USH2A: variants seen among roughly 807,000 people sequenced by gnomAD.
USH2A encodes the protein usherin, also known as Usher syndrome 2A (autosomal recessive, mild).
A neutral mutation model predicts 538.9 loss-of-function variants in USH2A; 443 were observed. The ratio of observed to expected loss-of-function variants is 0.82; its 90% CI spans 0.76 to 0.89. USH2A has a LOEUF of 0.89. Ranked by LOEUF, USH2A falls within the 40% of genes least tolerant of loss-of-function variation. USH2A has a pLI of 0.00. For missense variants in USH2A, 6,633 were observed against 6,324.8 expected (o/e 1.05, Z -1.65); for synonymous variants, 2,413 against 2,273.5 (o/e 1.06, Z -1.75).
Position 216,096,892 on chromosome 1 carries a change from G to A in USH2A, c.4758+191C>T, listed in dbSNP as rs112974789. On this transcript the variant is annotated intron_variant, in intron 22 of 71. Transcript: ENST00000307340. ...CCATGATGGTTTAAAAGTTAGCTCC[G>A]CTATTTTAGCTGAGGGCAAGTCACA... Among the ~76,000 whole-genome samples the A allele has an allele frequency of 7.0e-4, 107 of 152,254 alleles. 2 individuals carry two copies. Among genetic ancestry groups the A allele is most frequent in the African/African-American group, 2.3e-3 (97 of 41,548 alleles).
chr1:215,650,926 TA>T (rs1558038156), intron 64 of USH2A, 125 bp from the exon 65 acceptor site: 1 of 1,000,736 alleles, frequency 1.0e-6, no homozygotes, highest in African/African-American at 1.7e-5. Context: ...CAGGAAGAGA[TA>T]AACTTTGATC....
chr1:215,900,253 G>A (rs760028240), intron 39 of USH2A, 36 bp from the exon 40 acceptor site: 26 of 1,609,738 alleles, frequency 1.6e-5, no homozygotes, highest in Middle Eastern at 1.6e-4. Context: ...GGAAGTTTTC[G>A]ACATTCAAAG....
intron 19 of USH2A, chr1:216,194,312 T>A (rs1483436073): frequency 3.3e-5 from 5 of 152,100 alleles, no homozygotes. Context: ...GAGTTACCAG[T>A]AGAAGGTAAT....
intron 49 of USH2A, among the ~76,000 whole-genome samples, chr1:215,812,369 C>A (rs2102791755): frequency 6.6e-6 from 1 of 152,228 alleles, no homozygotes; most frequent in South Asian, 2.1e-4. Flanking sequence ...TTATTAAGCT[C>A]TTTCTCTGTT....
rs192119790 is a variant in USH2A, at chr1:216,247,064, C to T, written c.2330G>A (p.Cys777Tyr). The change falls in exon 13 of 72, where the codon TGT (cysteine) becomes TAT (tyrosine). Residue 777 changes from cysteine (C) to tyrosine (Y), a missense_variant. Transcript: ENST00000307340. ...ECKKEAKGLQ[C>Y]DTCRENFYGL... The stretch of plus-strand genomic sequence containing the variant: ...ATAAAAGTTTTCTCTGCAGGTGTCA[C>T]ACTGAAGTCCTTTGGCTTCTTTTTT... 2.0e-5 allele frequency: 32 copies of T among 1,614,058 alleles called. No individual in the cohort carries two copies. Among genetic ancestry groups the T allele is most frequent in the Admixed American group, 3.3e-5 (2 of 60,002 alleles).
rs182729272 is a variant in USH2A at position 216,401,416 on chromosome 1, C to A, written c.651+17098G>T. Among the ~76,000 whole-genome samples the A allele has an allele frequency of 9.1e-4, 139 of 152,054 alleles. No individual in the cohort carries two copies. In the Middle Eastern group the frequency reaches 0.027, roughly 30 times the overall value. On this transcript the variant is annotated intron_variant, in intron 3 of 71. Coordinates refer to ENST00000307340, the MANE Select transcript of USH2A (RefSeq NM_206933.4). Reference sequence around the variant, plus strand: ...ACAAGAAATAGAAAAAATAAAATTGCACACATAAGGCTAGCATATCAGTAA... The same window carrying A: ...ACAAGAAATAGAAAAAATAAAATTGAACACATAAGGCTAGCATATCAGTAA...
chr1:215,749,703 A>T (rs1660570722), intron 58 of USH2A, among the ~76,000 whole-genome samples: 1 of 152,218 alleles, frequency 6.6e-6, no homozygotes, highest in Admixed American at 6.5e-5. Context: ...ATGTCAGAGC[A>T]AGAGGAGCAG....
At chr1:216,111,335 G>T (rs1343361117) in intron 21 of USH2A, among the ~76,000 whole-genome samples, 1 of 152,166 alleles carries the variant, frequency 6.6e-6, no homozygotes, top group Non-Finnish European at 1.5e-5. Flanking sequence ...AAAGTGTTGA[G>T]ACGAGGATGA....
intron 61 of USH2A, among the ~76,000 whole-genome samples, chr1:215,723,339 C>A (rs970963296): frequency 4.6e-5 from 7 of 152,164 alleles, no homozygotes; most frequent in Admixed American, 3.3e-4. Flanking sequence ...ACGCTTCTCA[C>A]CCCCACGGAG....
At chr1:215,684,535 C>A (rs1204004896) in intron 61 of USH2A, among the ~76,000 whole-genome samples, 1 of 152,140 alleles carries the variant, frequency 6.6e-6, no homozygotes, top group Non-Finnish European at 1.5e-5. Context: ...TCCCTCTGGT[C>A]TTTGGGGTGT....
intron 61 of USH2A, among the ~76,000 whole-genome samples, chr1:215,712,969 G>T (rs1167091067): frequency 6.6e-6 from 1 of 151,988 alleles, no homozygotes; most frequent in Admixed American, 6.5e-5. Context: ...ACCATGCCCG[G>T]CTAATTTGTG....
At chr1:215,758,820 T>C in intron 57 of USH2A, 68 bp from the exon 58 acceptor site, 2 of 1,541,376 alleles carry the variant, frequency 1.3e-6, no homozygotes, top group South Asian at 1.1e-5. Flanking sequence ...TGATTACTAG[T>C]TTTTGTATCA....
intron 4 of USH2A, among the ~76,000 whole-genome samples, chr1:216,333,580 A>G (rs1484057855): frequency 6.6e-6 from 1 of 152,098 alleles, no homozygotes; most frequent in Non-Finnish European, 1.5e-5. Flanking sequence ...AATTTGATGA[A>G]AACTATTAAT....
In USH2A at chr1:215,900,201, A is replaced by C; in HGVS notation, c.7468T>G (p.Ser2490Ala). Residue 2490 changes from serine (S) to alanine (A), a missense_variant, in exon 40 of 72, where the codon TCT becomes GCT. Ser to Ala is a moderately conservative substitution (Grantham distance 99). Coordinates refer to ENST00000307340, the MANE Select transcript of USH2A (RefSeq NM_206933.4). ...HGFLELFSNP[S>A]ASLSYEVSDL... ...CTCACTTCATAGCTTAACGATGCAG[A>C]AGGATTGGAAAATAACCTGTATGGG... 8.7e-6 allele frequency: 14 copies of C among 1,613,606 alleles called. No homozygotes were observed. Among genetic ancestry groups the C allele is most frequent in the Non-Finnish European group, 1.2e-5 (14 of 1,179,712 alleles).
At chr1:216,152,264 G>T (rs1052583669) in intron 21 of USH2A, among the ~76,000 whole-genome samples, 66 of 152,124 alleles carry the variant, frequency 4.3e-4, no homozygotes, top group African/African-American at 1.4e-3. Flanking sequence ...GCACGTATAC[G>T]CCCAGATGGC....
chr1:216,176,962 T>C (rs559503912), intron 20 of USH2A, among the ~76,000 whole-genome samples: 7 of 152,326 alleles, frequency 4.6e-5, no homozygotes, highest in African/African-American at 1.4e-4. Context: ...TGATGAAATA[T>C]CCTGGTTGTT....
intron 36 of USH2A, among the ~76,000 whole-genome samples, chr1:215,968,733 G>A (rs1667420218): frequency 6.6e-6 from 1 of 152,014 alleles, no homozygotes; most frequent in African/African-American, 2.4e-5. Flanking sequence ...TCTGATTTCT[G>A]CCAGCAAAAT....
rs779574621 is a variant in USH2A, at chr1:215,914,100, GTCT to G, written c.7301-13198_7301-13196del. Among the ~76,000 whole-genome samples the G allele has an allele frequency of 5.0e-3, 613 of 121,522 alleles. 2 individuals carry two copies. The highest frequency in any genetic ancestry group is 0.032 in the Middle Eastern group (5 of 156). The allele number at this position is 121,522 out of a possible 152,430, so 79.7% of individuals were successfully genotyped here. A position where few individuals can be genotyped will look rare whatever the true frequency, so the allele number is the denominator to read the frequency against. On this transcript the variant is annotated intron_variant, in intron 38 of 71. Transcript: ENST00000307340. Reference sequence around the variant, plus strand: ...TTTTTTTTTTTTTTTTTGAGACAGAGTCTCGCTCTGTCACCCAGGCTGGAGTGC... The same window carrying G: ...TTTTTTTTTTTTTTTTTGAGACAGAGCGCTCTGTCACCCAGGCTGGAGTGC...
chr1:215,684,969 C>G (rs1175924844), intron 61 of USH2A, among the ~76,000 whole-genome samples: 1 of 151,936 alleles, frequency 6.6e-6, no homozygotes, highest in Admixed American at 6.6e-5. Context: ...GTTGAACTGC[C>G]GAGATCCTTT....
Sources: allele counts gnomAD v4.1 joint callset (sites outside exome capture counted in the v4.1 genomes callset), GRCh38; gene constraint gnomAD v4.1.1; transcripts MANE v1.5; gene names NCBI Gene and HGNC (gene_info 2026-07-23, HGNC 2026-07-21).